The following SPAG17 variants were observed in gnomAD, a reference collection of about 807,000 sequenced individuals.
SPAG17 encodes sperm-associated antigen 17.
Under a neutral mutation model 273.6 loss-of-function variants are expected in SPAG17, and 169 were observed. The observed-to-expected ratio is 0.62, with a 90% CI of 0.55 to 0.70. SPAG17 has a LOEUF of 0.70. Among genes scored for constraint, SPAG17 ranks in the 30% least tolerant of loss-of-function variants. SPAG17 has a pLI of 0.00. For synonymous variants in SPAG17, 825 were observed against 873.2 expected (o/e 0.94, Z 0.97); for missense variants, 2,557 against 2,627.8 (o/e 0.97, Z 0.59).
At chr1:118,049,088 G>A (rs139536094) in intron 20 of SPAG17, among the ~76,000 whole-genome samples, 53 of 152,146 alleles carry the variant, frequency 3.5e-4, no homozygotes, top group African/African-American at 1.2e-3. Context: ...GTTATAAAAT[G>A]TCTCCCATCA....
chr1:117,997,807 C>T (rs1657823077), intron 32 of SPAG17, among the ~76,000 whole-genome samples: 1 of 152,012 alleles, frequency 6.6e-6, no homozygotes, highest in South Asian at 2.1e-4. Flanking sequence ...TTTGTATTTC[C>T]TATAATTTTA....
At chr1:118,174,410 T>A (rs1660581271) in intron 1 of SPAG17, among the ~76,000 whole-genome samples, 1 of 151,964 alleles carries the variant, frequency 6.6e-6, no homozygotes, top group African/African-American at 2.4e-5. Context: ...GACAGACCAT[T>A]TGAAATTATA....
intron 4 of SPAG17, among the ~76,000 whole-genome samples, chr1:118,111,317 A>AT (rs1017054753): frequency 6.6e-6 from 1 of 152,048 alleles, no homozygotes; most frequent in African/African-American, 2.4e-5. Context: ...AGCTCATTAG[A>AT]TTCAACATCC....
At position 118,119,056 on chromosome 1, in the gene SPAG17, C is replaced by A. The variant is rs115321559; in HGVS notation, c.316-3615G>T. Among the ~76,000 whole-genome samples the A allele has an allele frequency of 7.4e-3, 1,124 of 152,184 alleles. 4 individuals carry two copies. Among genetic ancestry groups the A allele is most frequent in the Non-Finnish European group, 0.013 (901 of 68,008 alleles). On this transcript the variant is annotated intron_variant, in intron 3 of 48. Coordinates refer to ENST00000336338, the MANE Select transcript of SPAG17 (RefSeq NM_206996.4). ...CCTCCCTACATTAGTAAGCACAAGC[C>A]CAATGCTTAGAATTGCCCTAGGCGC...
At chr1:117,974,188 T>C (rs1654884987) in intron 43 of SPAG17, among the ~76,000 whole-genome samples, 1 of 152,164 alleles carries the variant, frequency 6.6e-6, no homozygotes, top group South Asian at 2.1e-4. Flanking sequence ...TATCTAGTAA[T>C]GGAATTGCTG....
At chr1:118,054,519 T>C (rs1454502380) in intron 19 of SPAG17, among the ~76,000 whole-genome samples, 3 of 152,232 alleles carry the variant, frequency 2.0e-5, no homozygotes, top group South Asian at 4.1e-4. Context: ...GACCTGAAAT[T>C]GAATGCAATA....
intron 3 of SPAG17, among the ~76,000 whole-genome samples, chr1:118,144,773 T>C (rs1180149823): frequency 6.6e-6 from 1 of 152,128 alleles, no homozygotes; most frequent in Non-Finnish European, 1.5e-5. Context: ...GTACTGGCCA[T>C]AATAGCTTCA....
intron 45 of SPAG17, 49 bp from the exon 46 acceptor site, chr1:117,970,165 G>A (rs977997507): frequency 6.4e-7 from 1 of 1,556,336 alleles, no homozygotes; most frequent in Non-Finnish European, 8.8e-7. Flanking sequence ...TGAAACCCAT[G>A]AGCAATGAAT....
intron 1 of SPAG17, among the ~76,000 whole-genome samples, chr1:118,176,417 T>C (rs1335309353): frequency 6.6e-6 from 1 of 152,184 alleles, no homozygotes; most frequent in Non-Finnish European, 1.5e-5. Context: ...ATAGCTATAC[T>C]TATATCAGGT....
At chr1:117,985,266 T>C (rs1363700843) in intron 40 of SPAG17, among the ~76,000 whole-genome samples, 1 of 152,178 alleles carries the variant, frequency 6.6e-6, no homozygotes, top group Non-Finnish European at 1.5e-5. Context: ...GCAATCAGGA[T>C]AGTACTGCTT....
intron 28 of SPAG17, among the ~76,000 whole-genome samples, chr1:118,016,923 A>C (rs1307151782): frequency 6.6e-6 from 1 of 152,206 alleles, no homozygotes; most frequent in Non-Finnish European, 1.5e-5. Flanking sequence ...TGTAGATGAG[A>C]CTTGACAGTG....
chr1:118,117,398 C>G (rs770181355), intron 3 of SPAG17, among the ~76,000 whole-genome samples: 4 of 152,248 alleles, frequency 2.6e-5, no homozygotes, highest in Non-Finnish European at 5.9e-5. Context: ...ATGAATGTTA[C>G]CTCACTGTAT....
At chr1:118,098,823 A>G (rs1655877136) in intron 6 of SPAG17, among the ~76,000 whole-genome samples, 1 of 152,204 alleles carries the variant, frequency 6.6e-6, no homozygotes, top group Non-Finnish European at 1.5e-5. Flanking sequence ...TATCAAGGGT[A>G]GCTATTTCTA....
At chr1:118,015,929 T>A in intron 29 of SPAG17, 36 bp downstream of exon 29, 1 of 1,591,120 alleles carries the variant, frequency 6.3e-7, no homozygotes, top group Non-Finnish European at 8.6e-7. Flanking sequence ...TACTAATGAC[T>A]TAGAAAATTT....
Position 117,953,884 on chromosome 1 carries a change from C to T in SPAG17, c.*166G>A, listed in dbSNP as rs148649075. 1.1e-4 allele frequency: 90 copies of T among 794,824 alleles called. No homozygotes were observed. The highest frequency in any genetic ancestry group is 6.8e-4 in the African/African-American group (39 of 57,668). The allele number at this position is 794,824 out of a possible 1,614,324, so 49.2% of individuals were successfully genotyped here. Reference sequence around the variant, plus strand: ...AATGCTTTTTGGCACTCTATTCGCACGTCTTTATTAAACAGATTGAAGCTA... The same window carrying T: ...AATGCTTTTTGGCACTCTATTCGCATGTCTTTATTAAACAGATTGAAGCTA... On this transcript the variant is annotated 3_prime_UTR_variant, in exon 49 of 49. Transcript: ENST00000336338.
In SPAG17 at chr1:117,990,991, T is replaced by C. The variant is rs371147958; in HGVS notation, c.5476-85A>G. On this transcript the variant is annotated intron_variant, in intron 37 of 48. Transcript: ENST00000336338. ...AGAAACATTCTCTCAAGCTGATCTTTTGTAAAAACTACTATAAAATGAATT... is the reference window on the plus strand; with the variant it reads ...AGAAACATTCTCTCAAGCTGATCTTCTGTAAAAACTACTATAAAATGAATT... 163 of 709,078 alleles carry C rather than the reference T, an allele frequency of 2.3e-4. 1 individual carries two copies. In the East Asian group the frequency reaches 4.5e-3, roughly 20 times the overall value. The allele number at this position is 709,078 out of a possible 1,614,324, so 43.9% of individuals were successfully genotyped here. A position where few individuals can be genotyped will look rare whatever the true frequency, so the allele number is the denominator to read the frequency against.
intron 7 of SPAG17, among the ~76,000 whole-genome samples, chr1:118,096,418 C>T (rs1321582030): frequency 6.6e-6 from 1 of 151,948 alleles, no homozygotes; most frequent in Non-Finnish European, 1.5e-5. Flanking sequence ...CTCCACACTC[C>T]ACTTTGCCCA....
At chr1:118,039,718 T>C (rs1252943993) in intron 22 of SPAG17, among the ~76,000 whole-genome samples, 2 of 152,066 alleles carry the variant, frequency 1.3e-5, no homozygotes, top group East Asian at 3.9e-4. Context: ...TAAAATAATA[T>C]GCATACCAAA....
At chr1:118,144,511 T>G (rs371318980) in intron 3 of SPAG17, among the ~76,000 whole-genome samples, 2 of 152,238 alleles carry the variant, frequency 1.3e-5, no homozygotes, top group African/African-American at 4.8e-5. Flanking sequence ...TAGCACTTCT[T>G]TGTTACAGCT....
Sources: allele counts gnomAD v4.1 joint callset (sites outside exome capture counted in the v4.1 genomes callset), GRCh38; gene constraint gnomAD v4.1.1; transcripts MANE v1.5; gene names NCBI Gene and HGNC (gene_info 2026-07-23, HGNC 2026-07-21).